The following WDFY4 variants were observed in gnomAD, a reference collection of about 807,000 sequenced individuals.
WDFY4 encodes WDFY family member 4, also known as WD repeat- and FYVE domain-containing protein 4.
In WDFY4, 169 loss-of-function variants were observed where a neutral mutation model predicts 351.9. The observed-to-expected ratio is 0.48, with a 90% CI of 0.42 to 0.55. WDFY4 has a LOEUF of 0.55. Ranked by LOEUF, WDFY4 falls within the 20% of genes least tolerant of loss-of-function variation. WDFY4 has a pLI of 0.00. For missense variants in WDFY4, 3,803 were observed against 3,935.6 expected (o/e 0.97, Z 0.90); for synonymous variants, 1,622 against 1,574.6 (o/e 1.03, Z -0.71).
intron 1 of WDFY4, among the ~76,000 whole-genome samples, chr10:48,700,806 G>T (rs538384113): frequency 6.6e-6 from 1 of 152,294 alleles, no homozygotes; most frequent in Non-Finnish European, 1.5e-5. Context: ...TGCTATTATC[G>T]TTATGATTTT....
chr10:48,982,418 A>C (rs371545870), intron 61 of WDFY4, 91 bp from the exon 62 acceptor site: 5 of 1,175,770 alleles, frequency 4.3e-6, no homozygotes, highest in African/African-American at 1.6e-5. Flanking sequence ...TGGGCCCCAG[A>C]TAGAGCCCCA....
chr10:48,839,540 G>C (rs2068524346), intron 39 of WDFY4, among the ~76,000 whole-genome samples: 1 of 152,194 alleles, frequency 6.6e-6, no homozygotes. Context: ...GACCCAGAGA[G>C]AGGTGAGATC....
intron 1 of WDFY4, among the ~76,000 whole-genome samples, chr10:48,697,489 G>A (rs553927828): frequency 6.6e-6 from 1 of 152,330 alleles, no homozygotes; most frequent in East Asian, 1.9e-4. Context: ...TCTGGTGAGT[G>A]GCCTGGGTGG....
At chr10:48,946,221 TG>T in intron 50 of WDFY4, 64 bp downstream of exon 50, 2 of 1,277,436 alleles carry the variant, frequency 1.6e-6, no homozygotes, top group Non-Finnish European at 2.2e-6. Flanking sequence ...AAATGATAGT[TG>T]ATAACAATTA....
At chr10:48,805,923 C>G (rs952013498) in intron 26 of WDFY4, 81 bp from the exon 27 acceptor site, 2 of 1,186,318 alleles carry the variant, frequency 1.7e-6, no homozygotes, top group Admixed American at 2.0e-5. Context: ...GTGGGTGGGT[C>G]TATGTGAAAA....
intron 47 of WDFY4, chr10:48,910,014 C>A: frequency 1.8e-6 from 1 of 541,888 alleles, no homozygotes; most frequent in Non-Finnish European, 3.3e-6. Flanking sequence ...ATTTTAAAAA[C>A]CACATCAAAT....
At chr10:48,785,233 A>G (rs888486979) in intron 19 of WDFY4, among the ~76,000 whole-genome samples, 4 of 152,126 alleles carry the variant, frequency 2.6e-5, no homozygotes, top group Admixed American at 6.5e-5. Context: ...CTATATATAT[A>G]CATATATATT....
At chr10:48,717,360 A>G (rs1189504534) in intron 2 of WDFY4, among the ~76,000 whole-genome samples, 2 of 152,250 alleles carry the variant, frequency 1.3e-5, no homozygotes, top group Non-Finnish European at 2.9e-5. Context: ...AAAAAAATTT[A>G]CATAAGCAAA....
At chr10:48,738,351 G>A (rs1030242832) in intron 11 of WDFY4, among the ~76,000 whole-genome samples, 8 of 152,226 alleles carry the variant, frequency 5.3e-5, no homozygotes, top group South Asian at 2.1e-4. Flanking sequence ...ATGTAAAGTC[G>A]TTATGGTGTT....
At chr10:48,941,196 C>T (rs1386547229) in intron 47 of WDFY4, among the ~76,000 whole-genome samples, 1 of 152,184 alleles carries the variant, frequency 6.6e-6, no homozygotes, top group African/African-American at 2.4e-5. Context: ...GTGAGCCGGT[C>T]TCCAGGGCTG....
chr10:48,914,826 G>C (rs1214444812), intron 47 of WDFY4, among the ~76,000 whole-genome samples: 1 of 152,166 alleles, frequency 6.6e-6, no homozygotes, highest in African/African-American at 2.4e-5. Context: ...GTGTGCCATT[G>C]CTGGGCCCAG....
chr10:48,708,153 A>G (rs1259060233), intron 1 of WDFY4, among the ~76,000 whole-genome samples: 1 of 152,176 alleles, frequency 6.6e-6, no homozygotes, highest in Admixed American at 6.5e-5. Flanking sequence ...TTGACAATGA[A>G]CTGACATGGC....
chr10:48,816,448 G>T (rs574250398), intron 31 of WDFY4, among the ~76,000 whole-genome samples: 2 of 152,118 alleles, frequency 1.3e-5, no homozygotes, highest in African/African-American at 4.8e-5. Flanking sequence ...AAGATTTTTG[G>T]TTTTTAAACT....
At chr10:48,907,575 A>T (rs1287915080) in intron 47 of WDFY4, among the ~76,000 whole-genome samples, 1 of 152,214 alleles carries the variant, frequency 6.6e-6, no homozygotes, top group Non-Finnish European at 1.5e-5. Flanking sequence ...AACTTAAAAA[A>T]CCTACCATAA....
rs193014598 is a variant in WDFY4, at chr10:48,702,992, T to C, written c.-17-6724T>C. Among the ~76,000 whole-genome samples the C allele has an allele frequency of 1.2e-4, 18 of 152,340 alleles. No individual in the cohort carries two copies. The East Asian group carries it at 3.5e-3, about 29-fold the overall frequency. Reference sequence around the variant, plus strand: ...GATGCTGTTGTCCGTACTCAGTATTTCTGACAGTGTCAGCTGTGCAGGTAG... The same window carrying C: ...GATGCTGTTGTCCGTACTCAGTATTCCTGACAGTGTCAGCTGTGCAGGTAG... On this transcript the variant is annotated intron_variant, in intron 1 of 61. Transcript: ENST00000325239.
At chr10:48,824,790 C>G (rs1375594148) in intron 35 of WDFY4, among the ~76,000 whole-genome samples, 1 of 152,116 alleles carries the variant, frequency 6.6e-6, no homozygotes, top group East Asian at 1.9e-4. Flanking sequence ...AGACATGTAC[C>G]ACCTTGCCTG....
At chr10:48,721,176 A>G in intron 3 of WDFY4, 85 bp from the exon 4 acceptor site, 3 of 1,314,956 alleles carry the variant, frequency 2.3e-6, no homozygotes, top group East Asian at 2.5e-5. Context: ...GCTCAGGCAC[A>G]TCTCCTGGGA....
intron 24 of WDFY4, among the ~76,000 whole-genome samples, chr10:48,801,924 C>T (rs901682618): frequency 6.6e-6 from 1 of 152,002 alleles, no homozygotes; most frequent in African/African-American, 2.4e-5. Flanking sequence ...GGGTCACTAT[C>T]TGTAGGTGAT....
In WDFY4 at chr10:48,721,024, C is replaced by T. The variant is rs148846693; in HGVS notation, c.350-237C>T. 3.0e-4 allele frequency among the ~76,000 whole-genome samples: 45 copies of T among 152,292 alleles called. No homozygotes were observed. In the East Asian group the frequency reaches 7.5e-3, roughly 25 times the overall value. ...GTTCTTACTCATTGGCAATCAGGAACCACTGATGGTTGCTAAACGGGGACG... is the reference window on the plus strand; with the variant it reads ...GTTCTTACTCATTGGCAATCAGGAATCACTGATGGTTGCTAAACGGGGACG... On this transcript the variant is annotated intron_variant, in intron 3 of 61. Transcript: ENST00000325239.
Sources: gnomAD v4.1 joint callset for allele counts (sites outside exome capture counted in the v4.1 genomes callset) on GRCh38, gnomAD v4.1.1 for gene constraint, MANE v1.5 for transcripts, NCBI Gene and HGNC (gene_info 2026-07-23, HGNC 2026-07-21) for gene names.